The following IDNK variants were observed in gnomAD, a reference collection of about 807,000 sequenced individuals.
The protein encoded by IDNK is gluconokinase.
Under a neutral mutation model 13.0 loss-of-function variants are expected in IDNK, and 9 were observed. That is an observed-to-expected ratio of 0.69 (90% CI 0.42 to 1.21). The LOEUF (loss-of-function observed/expected upper bound fraction) is 1.21, where lower values mean the gene tolerates loss of function less well. Ranked by LOEUF, IDNK falls within the 50% of genes most tolerant of loss-of-function variation. The probability of loss-of-function intolerance (pLI) is 0.00; values close to 1 mark genes in which losing one functional copy is unlikely to be tolerated. For synonymous variants in IDNK, 92 were observed against 94.9 expected, an observed-to-expected ratio of 0.97 and a Z score of 0.18; for missense variants, 210 against 237.8, an observed-to-expected ratio of 0.88 and a Z score of 0.77.
At chr9:83,635,899 T>C (rs1330467528) in intron 3 of IDNK, among the ~76,000 whole-genome samples, 1 of 152,192 alleles carries the variant, frequency 6.6e-6, no homozygotes, top group South Asian at 2.1e-4. Context: ...CGCGGGCCAG[T>C]ACATGCCACA....
At chr9:83,634,114 G>A (rs551150541) in intron 3 of IDNK, among the ~76,000 whole-genome samples, 4 of 152,274 alleles carry the variant, frequency 2.6e-5, no homozygotes, top group Admixed American at 1.3e-4. Context: ...TCTCCTTGTG[G>A]CTTTATGGGA....
chr9:83,630,511 G>C (rs563733724), intron 3 of IDNK, among the ~76,000 whole-genome samples: 1 of 152,174 alleles, frequency 6.6e-6, no homozygotes, highest in East Asian at 1.9e-4. Context: ...CTATTTGATT[G>C]GATTCTTGGA....
At chr9:83,642,020 G>A (rs1564151746) in intron 4 of IDNK, among the ~76,000 whole-genome samples, 1 of 152,222 alleles carries the variant, frequency 6.6e-6, no homozygotes, top group Non-Finnish European at 1.5e-5. Flanking sequence ...GCCTATCTCA[G>A]TCAATTTTTC....
chr9:83,642,710 T>C (rs1831345260), intron 4 of IDNK, among the ~76,000 whole-genome samples: 1 of 152,148 alleles, frequency 6.6e-6, no homozygotes, highest in Non-Finnish European at 1.5e-5. Flanking sequence ...GATGACTGCC[T>C]CCCACACTCA....
intron 3 of IDNK, among the ~76,000 whole-genome samples, chr9:83,636,977 C>T (rs1253036651): frequency 2.0e-5 from 3 of 152,234 alleles, no homozygotes; most frequent in East Asian, 3.8e-4. Context: ...ACACTTGTTT[C>T]ACTACATACA....
In IDNK at chr9:83,642,108, T is replaced by G. The variant is rs191448011; in HGVS notation, c.212+517T>G. On this transcript the variant is annotated intron_variant, in intron 4 of 4. Transcript: ENST00000376419. ...TGAACAGGTAATTAGCCACCAGGAT[T>G]AGAGTCCACATTGCCCAGCTCTGCA... Among the ~76,000 whole-genome samples, 12 of 152,224 alleles carry G rather than the reference T, an allele frequency of 7.9e-5. No homozygotes were observed. In the East Asian group the frequency reaches 2.3e-3, roughly 29 times the overall value.
intron 4 of IDNK, among the ~76,000 whole-genome samples, chr9:83,642,386 G>C (rs906104359): frequency 6.6e-6 from 1 of 151,990 alleles, no homozygotes; most frequent in Non-Finnish European, 1.5e-5. Flanking sequence ...CTTTGCATGG[G>C]CTGAGTTTTG....
chr9:83,641,728 T>C (rs1237012583), intron 4 of IDNK, 137 bp downstream of exon 4: 1 of 879,862 alleles, frequency 1.1e-6, no homozygotes. Context: ...GCTGCACTTC[T>C]ATCAGGTAAC....
chr9:83,642,701 A>G (rs937857723), intron 4 of IDNK, among the ~76,000 whole-genome samples: 4 of 152,086 alleles, frequency 2.6e-5, no homozygotes, highest in Non-Finnish European at 5.9e-5. Flanking sequence ...TGACCCCAGG[A>G]TGACTGCCTC....
Position 83,623,227 on chromosome 9 carries a change from T to C in IDNK, c.50+6T>C, listed in dbSNP as rs1346255326. The C allele has an allele frequency of 7.2e-7, 1 of 1,394,254 alleles. No homozygotes were observed. The highest frequency in any genetic ancestry group is 9.3e-7 in the Non-Finnish European group (1 of 1,077,184). 86.4% of individuals were successfully genotyped at this position (1,394,254 alleles called of 1,614,324 possible). A position where few individuals can be genotyped will look rare whatever the true frequency, so the allele number is the denominator to read the frequency against. ...GGCGTGAGCGGCTCGGGGAAGTAGG[T>C]CCGGGAGAGGGCGGGGGGCGCCCGG... On this transcript the variant is annotated splice_donor_region_variant and intron_variant, in intron 1 of 4. Transcript: ENST00000376419.
rs1363775128 is a variant in IDNK, at chr9:83,641,600, C to T, written c.212+9C>T. On this transcript the variant is annotated intron_variant, in intron 4 of 4. Coordinates refer to ENST00000376419, the MANE Select transcript of IDNK (RefSeq NM_001001551.4). ...CATGACATTTTACTAAGGTAAGAGA[C>T]CACCAGGCCTTGGCATAAGCCAAAG... is the stretch of plus-strand genomic sequence containing the variant. The T allele has an allele frequency of 4.3e-6, 7 of 1,613,916 alleles. No homozygotes were observed. Among genetic ancestry groups the T allele is most frequent in the Non-Finnish European group, 5.9e-6 (7 of 1,179,884 alleles).
chr9:83,626,123 T>C (rs961212168), intron 1 of IDNK, among the ~76,000 whole-genome samples: 7 of 152,206 alleles, frequency 4.6e-5, no homozygotes, highest in Non-Finnish European at 1.0e-4. Flanking sequence ...GTGTTGTCTT[T>C]TTAAGTCCCT....
intron 2 of IDNK, 60 bp downstream of exon 2, chr9:83,628,271 C>A: frequency 1.4e-6 from 2 of 1,383,200 alleles, no homozygotes; most frequent in Non-Finnish European, 2.0e-6. Flanking sequence ...GGTCTCCTTG[C>A]ATCTCTGCCT....
At chr9:83,626,665 C>G in intron 1 of IDNK, 1 of 1,251,304 alleles carries the variant, frequency 8.0e-7, no homozygotes, top group Non-Finnish European at 1.0e-6. Flanking sequence ...GATCCGCCTG[C>G]CTCAGCCTCC....
At chr9:83,643,317 G>A (rs889217686) in intron 4 of IDNK, 112 bp from the exon 5 acceptor site, 6 of 769,664 alleles carry the variant, frequency 7.8e-6, no homozygotes, top group Admixed American at 2.9e-5. Context: ...ATTTTCTAAT[G>A]CCTTCCACTG....
At chr9:83,623,138 C>A (rs543564853), upstream of IDNK, 379 of 1,410,636 alleles carry the variant, frequency 2.7e-4, 1 homozygote, top group African/African-American at 4.3e-3. Context: ...CCGGCGGGGC[C>A]CGGAAGGCGA....
chr9:83,632,661 G>A (rs566957427), intron 3 of IDNK, among the ~76,000 whole-genome samples: 80 of 152,160 alleles, frequency 5.3e-4, no homozygotes, highest in South Asian at 2.1e-3. Flanking sequence ...TAGGGTTTGC[G>A]GGCTGTGTGT....
At chr9:83,631,561 G>C (rs1831016587) in intron 3 of IDNK, among the ~76,000 whole-genome samples, 1 of 151,056 alleles carries the variant, frequency 6.6e-6, no homozygotes, top group African/African-American at 2.4e-5. Context: ...ACAGTGAGCT[G>C]TGACTGCACT....
chr9:83,632,913 A>AT (rs1831062900), intron 3 of IDNK, among the ~76,000 whole-genome samples: 3 of 152,310 alleles, frequency 2.0e-5, no homozygotes, highest in Non-Finnish European at 4.4e-5. Flanking sequence ...CATTATGAAC[A>AT]TAAAATTTGG....
Sources: gnomAD v4.1 joint callset for allele counts (sites outside exome capture counted in the v4.1 genomes callset) on GRCh38, gnomAD v4.1.1 for gene constraint, MANE v1.5 for transcripts, NCBI Gene and HGNC (gene_info 2026-07-23, HGNC 2026-07-21) for gene names.